Variants in ZKSCAN7 observed in about 807,000 individuals in gnomAD.
ZKSCAN7 encodes the protein zinc finger protein with KRAB and SCAN domains 7.
Under a neutral mutation model 65.3 loss-of-function variants are expected in ZKSCAN7, and 38 were observed. The observed-to-expected ratio is 0.58, with a 90% CI of 0.45 to 0.76. ZKSCAN7 has a LOEUF of 0.76. Among genes scored for constraint, ZKSCAN7 ranks in the 30% least tolerant of loss-of-function variants. The pLI, the probability that ZKSCAN7 is intolerant of heterozygous loss-of-function variation, is 0.00. For synonymous variants in ZKSCAN7, 321 were observed against 321.0 expected, an observed-to-expected ratio of 1.00 and a Z score of 0.00; for missense variants, 815 against 913.3, an observed-to-expected ratio of 0.89 and a Z score of 1.39.
At chr3:44,578,361 G>C in intron 5 of ZKSCAN7, 1 of 1,608,526 alleles carries the variant, frequency 6.2e-7, no homozygotes, top group Non-Finnish European at 8.5e-7. Context: ...TGTGCAAGGG[G>C]TGACCCAGTG....
Position 44,570,547 on chromosome 3 carries a change from T to C in ZKSCAN7, c.1437T>C (p.Ser479=). 6.2e-7 allele frequency: 1 copy of C among 1,612,248 alleles called. No homozygotes were observed. Among genetic ancestry groups the C allele is most frequent in the South Asian group, 1.1e-5 (1 of 90,956 alleles). The change falls in exon 6 of 6, where the codon AGT becomes AGC. Residue 479 remains serine, a synonymous_variant. Coordinates refer to ENST00000426540, the MANE Select transcript of ZKSCAN7 (RefSeq NM_001288590.2). The part of the protein sequence containing the change: ...CNECAKAFTQ[S]SRLTDHQRTH... ...AATGTGCAAAAGCCTTTACTCAGAG[T>C]TCCCGACTCACTGACCACCAGAGAA... is the stretch of plus-strand genomic sequence containing the variant.
rs746668832 is a variant in ZKSCAN7 at position 44,570,930 on chromosome 3, T to C, written c.1820T>C (p.Phe607Ser). The C allele has an allele frequency of 2.5e-6, 4 of 1,613,916 alleles. No individual in the cohort carries two copies. The highest frequency in any genetic ancestry group is 2.2e-5 in the East Asian group (1 of 44,800). The change falls in exon 6 of 6, where the codon TTT (phenylalanine) becomes TCT (serine). Residue 607 changes from phenylalanine (F) to serine (S), a missense_variant. Physicochemically the swap from Phe to Ser is radical, Grantham distance 155. Around this residue, in one of 3 missense-constraint regions of ZKSCAN7, gnomAD observed 578 missense variants for 629.5 expected, o/e 0.92. Coordinates refer to ENST00000426540, the MANE Select transcript of ZKSCAN7 (RefSeq NM_001288590.2). The stretch of plus-strand genomic sequence containing the variant: ...CGAATTCATACTGGAGAAAAACCTT[T>C]TGAATGTAGCGAGTGTGGTAAGGCA... ...HERIHTGEKP[F>S]ECSECGKAFG...
At chr3:44,563,535 T>C (rs1699542292) in intron 2 of ZKSCAN7, among the ~76,000 whole-genome samples, 1 of 152,150 alleles carries the variant, frequency 6.6e-6, no homozygotes. Context: ...AAGGATCCTC[T>C]TCACATTGTG....
At chr3:44,558,596 A>G (rs1699368784) in intron 2 of ZKSCAN7, among the ~76,000 whole-genome samples, 2 of 152,002 alleles carry the variant, frequency 1.3e-5, no homozygotes, top group South Asian at 4.2e-4. Flanking sequence ...GAGGCTGACT[A>G]GGCAAGTCTG....
Position 44,571,674 on chromosome 3 carries a change from T to C in ZKSCAN7, c.*299T>C. 1 of 1,214,670 alleles carries C rather than the reference T, an allele frequency of 8.2e-7. No individual in the cohort carries two copies. Among genetic ancestry groups the C allele is most frequent in the Non-Finnish European group, 1.0e-6 (1 of 971,034 alleles). 75.2% of individuals were successfully genotyped at this position (1,214,670 alleles called of 1,614,324 possible). ...TTATGCATCTCATAATCAGACTCCA[T>C]GCTTTTTAAAGACAGAGATAATATC... On this transcript the variant is annotated 3_prime_UTR_variant, in exon 6 of 6. Transcript: ENST00000426540.
chr3:44,581,033 C>T (rs1306321149), intron 5 of ZKSCAN7: 13 of 1,534,286 alleles, frequency 8.5e-6, no homozygotes, highest in East Asian at 2.5e-5. Context: ...ACATGGTCGG[C>T]GCGGCGGCGG....
intron 3 of ZKSCAN7, among the ~76,000 whole-genome samples, chr3:44,565,964 G>A (rs1024134361): frequency 1.3e-5 from 2 of 152,208 alleles, no homozygotes; most frequent in African/African-American, 4.8e-5. Context: ...TGTGTAAGAA[G>A]AGGCAACCTC....
rs1699322223 is a variant in ZKSCAN7 at position 44,557,232 on chromosome 3, A to G, written c.185A>G (p.Tyr62Cys). 1 of 1,614,150 alleles carries G rather than the reference A, an allele frequency of 6.2e-7. No individual in the cohort carries two copies. The highest frequency in any genetic ancestry group is 1.3e-5 in the African/African-American group (1 of 74,948). Residue 62 changes from tyrosine to cysteine, a missense_variant, in exon 2 of 6, where the codon TAC becomes TGC. Around this residue, in one of 3 missense-constraint regions of ZKSCAN7, gnomAD observed 227 missense variants for 253.3 expected, o/e 0.90. Coordinates refer to ENST00000426540, the MANE Select transcript of ZKSCAN7 (RefSeq NM_001288590.2). ...CGGCTACACTTCAGGCAATTGTGTT[A>G]CCACGAGATGTCTGGGCCGCAGGAA... ...IFRLHFRQLCYHEMSGPQEAL... is the reference protein window; with the variant it reads ...IFRLHFRQLCCHEMSGPQEAL...
chr3:44,571,191 A>T lies in ZKSCAN7; in HGVS notation c.2081A>T (p.Asn694Ile). 4 of 1,614,198 alleles carry T rather than the reference A, an allele frequency of 2.5e-6. No individual in the cohort carries two copies. Among genetic ancestry groups the T allele is most frequent in the Non-Finnish European group, 2.5e-6 (3 of 1,180,040 alleles). ...THTGEKPYKC[N>I]DCGKAFSDSS... is the part of the protein sequence containing the mutation. ...ACTGGGGAAAAACCCTATAAATGCA[A>T]TGATTGTGGGAAAGCTTTTAGTGAC... The change falls in exon 6 of 6, where the codon AAT becomes ATT. Residue 694 changes from asparagine (N) to isoleucine (I), a missense_variant. Coordinates refer to ENST00000426540, the MANE Select transcript of ZKSCAN7 (RefSeq NM_001288590.2).
downstream of ZKSCAN7, among the ~76,000 whole-genome samples, chr3:44,573,937 G>T (rs1458814621): frequency 6.6e-6 from 1 of 152,162 alleles, no homozygotes; most frequent in Admixed American, 6.5e-5. Context: ...CTTTTGAATG[G>T]AGGAAAATTG....
At chr3:44,558,547 AAGAG>A (rs1699367373) in intron 2 of ZKSCAN7, among the ~76,000 whole-genome samples, 1 of 151,560 alleles carries the variant, frequency 6.6e-6, no homozygotes, top group Admixed American at 6.6e-5. Context: ...AAAGAAAAGA[AAGAG>A]AGATTTATTG....
In ZKSCAN7 at chr3:44,571,403, C is replaced by G. The variant is rs2034476; in HGVS notation, c.*28C>G. ...TATGGTTCTCTGAGACAGAGAGCAA[C>G]GACCTTTGAGTTAAGCTGTCTTTAT... is the stretch of plus-strand genomic sequence containing the variant. On this transcript the variant is annotated 3_prime_UTR_variant, in exon 6 of 6. Transcript: ENST00000426540. The G allele has an allele frequency of 0.3, 483,792 of 1,610,980 alleles. 78,843 individuals are homozygous for G. Among genetic ancestry groups the G allele is most frequent in the African/African-American group, 0.42 (31,585 of 74,922 alleles).
At chr3:44,567,424 A>G (rs1157904541) in intron 3 of ZKSCAN7, among the ~76,000 whole-genome samples, 2 of 152,212 alleles carry the variant, frequency 1.3e-5, no homozygotes, top group Non-Finnish European at 2.9e-5. Flanking sequence ...AATGTCCCAT[A>G]GGCAATAGGA....
chr3:44,575,877 CTTATTA>C (rs1182152579), downstream of ZKSCAN7, among the ~76,000 whole-genome samples: 1 of 152,036 alleles, frequency 6.6e-6, no homozygotes, highest in Non-Finnish European at 1.5e-5. Context: ...TGCGCCTGGC[CTTATTA>C]TTATTATTAT....
chr3:44,580,934 C>T (rs1361605019), intron 5 of ZKSCAN7: 15 of 1,612,676 alleles, frequency 9.3e-6, no homozygotes, highest in South Asian at 5.5e-5. Flanking sequence ...TGAGGAGATG[C>T]GACTCGCGGG....
At chr3:44,575,973 T>C (rs968086446), downstream of ZKSCAN7, among the ~76,000 whole-genome samples, 1 of 152,202 alleles carries the variant, frequency 6.6e-6, no homozygotes, top group Non-Finnish European at 1.5e-5. Flanking sequence ...TTTTTTCTTT[T>C]ATTACTCTGG....
chr3:44,568,588 A>T, intron 5 of ZKSCAN7, 155 bp downstream of exon 5: 1 of 1,071,056 alleles, frequency 9.3e-7, no homozygotes, highest in Non-Finnish European at 1.3e-6. Flanking sequence ...CATCACTGAG[A>T]TTCAACAGTG....
intron 5 of ZKSCAN7, among the ~76,000 whole-genome samples, chr3:44,577,859 C>T (rs981160101): frequency 2.6e-5 from 4 of 152,178 alleles, no homozygotes; most frequent in South Asian, 2.1e-4. Flanking sequence ...TGAAAAGCAG[C>T]GCTCGGGGTG....
rs1699311680 is a variant in ZKSCAN7 at position 44,556,975 on chromosome 3, T to C, written c.-73T>C. 1 of 1,593,666 alleles carries C rather than the reference T, an allele frequency of 6.3e-7. No homozygotes were observed. The highest frequency in any genetic ancestry group is 1.1e-5 in the South Asian group (1 of 89,386). On this transcript the variant is annotated 5_prime_UTR_variant, in exon 2 of 6. Transcript: ENST00000426540. Reference sequence around the variant, plus strand: ...TTCTCCAACCCTGAAAAACAGTTCCTGAGACCTGAACTATTGACCATCATT... The same window carrying C: ...TTCTCCAACCCTGAAAAACAGTTCCCGAGACCTGAACTATTGACCATCATT...
Sources: gnomAD v4.1 joint callset for allele counts (sites outside exome capture counted in the v4.1 genomes callset) on GRCh38, gnomAD v4.1.1 for gene constraint, gnomAD v4.1.1 regional missense constraint, MANE v1.5 for transcripts, NCBI Gene and HGNC (gene_info 2026-07-23, HGNC 2026-07-21) for gene names.